CDH13: variants seen among roughly 807,000 people sequenced by gnomAD.
CDH13 encodes cadherin-13.
Under a neutral mutation model 63.8 loss-of-function variants are expected in CDH13, and 24 were observed. The ratio of observed to expected loss-of-function variants is 0.38; its 90% CI spans 0.27 to 0.53. The LOEUF is 0.53. Among genes scored for constraint, CDH13 ranks in the 20% least tolerant of loss-of-function variants. CDH13 has a pLI of 0.85. For missense variants in CDH13, 1,049 were observed against 903.1 expected (o/e 1.16, Z -2.07); for synonymous variants, 503 against 355.3 (o/e 1.42, Z -4.67).
intron 1 of CDH13, among the ~76,000 whole-genome samples, chr16:82,808,279 G>C (rs1312748856): frequency 1.3e-5 from 2 of 152,058 alleles, no homozygotes; most frequent in Non-Finnish European, 2.9e-5. Context: ...TGAAATAATG[G>C]AGCTCATTGT....
chr16:82,890,777 G>A (rs973535349), intron 2 of CDH13, among the ~76,000 whole-genome samples: 5 of 151,080 alleles, frequency 3.3e-5, no homozygotes, highest in African/African-American at 9.7e-5. Context: ...TCAGCCTCCC[G>A]AATAGCTGAG....
rs576731916 is a variant in CDH13 at position 83,587,549 on chromosome 16, T to C, written c.961-14905T>C. On this transcript the variant is annotated intron_variant, in intron 7 of 13. Transcript: ENST00000567109. ...GCCTGACCTTAAAAGCATTACCTTC[T>C]GCTGCGTGATTAGAAAACATACAGA... Among the ~76,000 whole-genome samples, 9 of 152,326 alleles carry C rather than the reference T, an allele frequency of 5.9e-5. No homozygotes were observed. In the South Asian group the frequency reaches 1.9e-3, roughly 32 times the overall value.
At chr16:83,171,397 T>C (rs2037910334) in intron 4 of CDH13, 1 of 788,974 alleles carries the variant, frequency 1.3e-6, no homozygotes. Context: ...ACCTCCAACA[T>C]GGGGGATTAC....
intron 7 of CDH13, among the ~76,000 whole-genome samples, chr16:83,561,271 A>G (rs942529104): frequency 1.3e-5 from 2 of 150,786 alleles, no homozygotes; most frequent in African/African-American, 2.5e-5. Flanking sequence ...ACATGGAGAA[A>G]TCCCATCTCT....
intron 2 of CDH13, among the ~76,000 whole-genome samples, chr16:82,861,994 G>C (rs866006155): frequency 1.3e-5 from 2 of 152,168 alleles, no homozygotes; most frequent in African/African-American, 2.4e-5. Context: ...AAAAATACAA[G>C]AAGAAAGGAG....
chr16:83,477,367 A>C (rs1297905397), intron 6 of CDH13, among the ~76,000 whole-genome samples: 3 of 152,238 alleles, frequency 2.0e-5, no homozygotes, highest in African/African-American at 7.2e-5. Flanking sequence ...TTTCAATTCA[A>C]GCCTGTGGTA....
intron 6 of CDH13, among the ~76,000 whole-genome samples, chr16:83,392,218 C>A (rs2091801658): frequency 6.6e-6 from 1 of 152,204 alleles, no homozygotes; most frequent in Non-Finnish European, 1.5e-5. Context: ...TGGGCAAGCC[C>A]ACAACCCCCA....
rs546332025 is a variant in CDH13 at position 83,780,135 on chromosome 16, C to A, written c.1849C>A (p.Pro617Thr). 3.7e-6 allele frequency: 6 copies of A among 1,613,062 alleles called. No homozygotes were observed. The East Asian group carries it at 1.1e-4, about 30-fold the overall frequency. Residue 617 changes from proline to threonine, a missense_variant, in exon 12 of 14, where the codon CCT (proline) becomes ACT (threonine). Pro to Thr is a conservative substitution (Grantham distance 38). Coordinates refer to ENST00000567109, the MANE Select transcript of CDH13 (RefSeq NM_001257.5). ...SDKDLHPNTD[P>T]FKFEIHKQAV... is the part of the protein sequence containing the mutation. ...TAAGGATCTTCACCCGAATACAGAT[C>A]CTTTCAAATTTGAAATCCACAAACA...
intron 6 of CDH13, among the ~76,000 whole-genome samples, chr16:83,415,014 C>T (rs2092179689): frequency 6.6e-6 from 1 of 151,330 alleles, no homozygotes; most frequent in Non-Finnish European, 1.5e-5. Flanking sequence ...ATTGACAAAC[C>T]CTTAGCTAGA....
chr16:82,644,434 C>A lies in CDH13; in HGVS notation c.45+17297C>A, dbSNP rs769473371. ...GAACGTACTCCTGTCTGCCCTCACTCGTGGGTTGATGATTTCTATCCTTTG... is the reference window on the plus strand; with the variant it reads ...GAACGTACTCCTGTCTGCCCTCACTAGTGGGTTGATGATTTCTATCCTTTG... On this transcript the variant is annotated intron_variant, in intron 1 of 13. Transcript: ENST00000567109. The surrounding 1 kb of genome is among the most constrained non-coding windows in gnomAD (Gnocchi z 5.7). Among the ~76,000 whole-genome samples the A allele has an allele frequency of 6.6e-6, 1 of 152,100 alleles. No homozygotes were observed. Among genetic ancestry groups the A allele is most frequent in the Admixed American group, 6.5e-5 (1 of 15,272 alleles).
At position 83,512,696 on chromosome 16, in the gene CDH13, T is replaced by G. The variant is rs528933173; in HGVS notation, c.960+26041T>G. 1.7e-3 allele frequency among the ~76,000 whole-genome samples: 250 copies of G among 150,962 alleles called. 1 individual carries two copies. The highest frequency in any genetic ancestry group is 2.8e-3 in the Non-Finnish European group (191 of 67,814). ...AATAATAATAATAATATAATAATAA[T>G]AATAGTAATAAAGAAAGTACATGGG... On this transcript the variant is annotated intron_variant, in intron 7 of 13. Transcript: ENST00000567109.
chr16:83,175,111 T>C (rs2038074398), intron 4 of CDH13, among the ~76,000 whole-genome samples: 1 of 152,120 alleles, frequency 6.6e-6, no homozygotes, highest in Non-Finnish European at 1.5e-5. Flanking sequence ...ACATACATAC[T>C]GCACAGTGTA....
chr16:83,339,747 G>T (rs2090680662), intron 5 of CDH13, among the ~76,000 whole-genome samples: 1 of 152,092 alleles, frequency 6.6e-6, no homozygotes, highest in Non-Finnish European at 1.5e-5. Context: ...TCTCCCACCA[G>T]TGCAGGTGGC....
At chr16:83,285,136 A>G (rs1374396372) in intron 5 of CDH13, among the ~76,000 whole-genome samples, 1 of 152,164 alleles carries the variant, frequency 6.6e-6, no homozygotes, top group African/African-American at 2.4e-5. Context: ...GGACCAGAGT[A>G]TCGATGTGAT....
chr16:83,044,425 A>G (rs766675395), intron 3 of CDH13, among the ~76,000 whole-genome samples: 3 of 152,246 alleles, frequency 2.0e-5, no homozygotes, highest in Non-Finnish European at 4.4e-5. Context: ...AAGAAATTTT[A>G]GGAAGGTGGG....
intron 6 of CDH13, among the ~76,000 whole-genome samples, chr16:83,350,436 G>C (rs1425441501): frequency 1.3e-5 from 2 of 152,268 alleles, no homozygotes; most frequent in Non-Finnish European, 2.9e-5. Context: ...GCTTAGGCAT[G>C]TCTGATCCTT....
chr16:83,320,677 A>C (rs1411561869), intron 5 of CDH13, among the ~76,000 whole-genome samples: 2 of 152,192 alleles, frequency 1.3e-5, no homozygotes, highest in Non-Finnish European at 2.9e-5. Flanking sequence ...GCTGCAAGTC[A>C]AAAAAGGAGG....
chr16:83,782,898 A>T (rs1010372509), intron 12 of CDH13, among the ~76,000 whole-genome samples: 1 of 152,084 alleles, frequency 6.6e-6, no homozygotes, highest in Non-Finnish European at 1.5e-5. Context: ...TCGTGTAATA[A>T]ATTTGCAGGG....
intron 4 of CDH13, among the ~76,000 whole-genome samples, chr16:83,212,919 G>C (rs2039381042): frequency 6.6e-6 from 1 of 152,186 alleles, no homozygotes; most frequent in African/African-American, 2.4e-5. Context: ...GAGAAAGCAA[G>C]GCCCCTACTG....
Sources: gnomAD v4.1 joint callset for allele counts (sites outside exome capture counted in the v4.1 genomes callset) on GRCh38, gnomAD v4.1.1 for gene constraint, Gnocchi (gnomAD v3.1) non-coding constraint, MANE v1.5 for transcripts, NCBI Gene and HGNC (gene_info 2026-07-23, HGNC 2026-07-21) for gene names.